The following JMJD1C variants were observed in gnomAD, a reference collection of about 807,000 sequenced individuals.
The protein encoded by JMJD1C is jumonji domain-containing protein 1C.
In JMJD1C, 31 loss-of-function variants were observed where a neutral mutation model predicts 245.3. That is an observed-to-expected ratio of 0.13 (90% CI 0.09 to 0.17). The LOEUF is 0.17. JMJD1C is among the 10% of genes least tolerant of loss of function. JMJD1C has a pLI of 1.00. For missense variants in JMJD1C, 2,691 were observed against 3,000.2 expected (o/e 0.90, Z 2.41); for synonymous variants, 1,057 against 1,017.4 (o/e 1.04, Z -0.74).
chr10:63,248,324 A>G (rs941308855), intron 3 of JMJD1C, among the ~76,000 whole-genome samples: 1 of 150,026 alleles, frequency 6.7e-6, no homozygotes, highest in Non-Finnish European at 1.5e-5. Flanking sequence ...ACCCCAAAGA[A>G]AAAGCAACCA....
chr10:63,174,250 G>C (rs781580562), intron 24 of JMJD1C, among the ~76,000 whole-genome samples: 1 of 152,144 alleles, frequency 6.6e-6, no homozygotes, highest in Non-Finnish European at 1.5e-5. Flanking sequence ...GTTTATGATA[G>C]CTTTATCTAT....
chr10:63,215,376 T>C lies in JMJD1C; in HGVS notation c.902A>G (p.His301Arg). 6.2e-7 allele frequency: 1 copy of C among 1,614,192 alleles called. No individual in the cohort carries two copies. Residue 301 changes from histidine (H) to arginine (R), a missense_variant, in exon 7 of 26, where the codon CAC (histidine) becomes CGC (arginine). His to Arg is a conservative substitution (Grantham distance 29). Around this residue, in one of 9 missense-constraint regions of JMJD1C, gnomAD observed 1,562 missense variants for 1,490.7 expected, o/e 1.05. Coordinates refer to ENST00000399262, the MANE Select transcript of JMJD1C (RefSeq NM_032776.3). ...SQAAVPKQNT[H>R]QQQQQRSIRP... Reference sequence around the variant, plus strand: ...GATACTTCTTTGTTGCTGTTGCTGGTGTGTATTCTGTTTTGGTACAGCAGC... The same window carrying C: ...GATACTTCTTTGTTGCTGTTGCTGGCGTGTATTCTGTTTTGGTACAGCAGC...
intron 2 of JMJD1C, among the ~76,000 whole-genome samples, chr10:63,365,219 C>T (rs899545973): frequency 3.9e-5 from 6 of 152,300 alleles, no homozygotes; most frequent in Middle Eastern, 3.4e-3. Flanking sequence ...CAGGCACTTC[C>T]TCTTCATTTG....
At chr10:63,497,539 G>A (rs1463617456) in intron 1 of JMJD1C, among the ~76,000 whole-genome samples, 1 of 152,160 alleles carries the variant, frequency 6.6e-6, no homozygotes, top group Non-Finnish European at 1.5e-5. Flanking sequence ...TTCTTTCAGG[G>A]CTGATGAAGA....
intron 1 of JMJD1C, among the ~76,000 whole-genome samples, chr10:63,432,291 C>T (rs1418641901): frequency 6.6e-6 from 1 of 152,194 alleles, no homozygotes; most frequent in African/African-American, 2.4e-5. Context: ...CTAACTAGCC[C>T]GGGTGTTCAC....
intron 1 of JMJD1C, among the ~76,000 whole-genome samples, chr10:63,393,172 G>C (rs1355114255): frequency 6.6e-6 from 1 of 152,176 alleles, no homozygotes; most frequent in Non-Finnish European, 1.5e-5. Flanking sequence ...GGAGACTGAG[G>C]TGGGAGAATC....
At chr10:63,377,997 A>AT (rs1946901091) in intron 2 of JMJD1C, among the ~76,000 whole-genome samples, 1 of 148,624 alleles carries the variant, frequency 6.7e-6, no homozygotes, top group Admixed American at 6.8e-5. Context: ...GTATATATAT[A>AT]ATATATATGA....
At chr10:63,380,277 G>T in intron 2 of JMJD1C, 41 bp downstream of exon 2, 2 of 1,599,402 alleles carry the variant, frequency 1.3e-6, no homozygotes, top group South Asian at 1.1e-5. Context: ...TGTTTTAAAC[G>T]AACAAATGAA....
At chr10:63,226,488 G>C (rs949646808) in intron 3 of JMJD1C, among the ~76,000 whole-genome samples, 2 of 152,038 alleles carry the variant, frequency 1.3e-5, no homozygotes, top group African/African-American at 4.8e-5. Flanking sequence ...CAAGGTGGGA[G>C]GATCCCTTGA....
chr10:63,311,385 TAAAC>T (rs1241359678), intron 2 of JMJD1C, among the ~76,000 whole-genome samples: 2 of 151,536 alleles, frequency 1.3e-5, no homozygotes, highest in African/African-American at 4.8e-5. Context: ...TCTCAAAAAA[TAAAC>T]AAACAAAATA....
chr10:63,263,959 T>TACACACACACACACACAC (rs746833882), intron 3 of JMJD1C, among the ~76,000 whole-genome samples: 1 of 83,018 alleles, frequency 1.2e-5, no homozygotes, highest in Admixed American at 1.4e-4. Flanking sequence ...AAAATACACA[T>TACACACACACACACACAC]ACACACACAC....
intron 1 of JMJD1C, among the ~76,000 whole-genome samples, chr10:63,519,973 G>A (rs1228732076): frequency 1.3e-5 from 2 of 152,128 alleles, no homozygotes; most frequent in African/African-American, 4.8e-5. Context: ...AAATAATGCT[G>A]AATAATGGCC....
chr10:63,462,570 T>C (rs946861558), intron 1 of JMJD1C, among the ~76,000 whole-genome samples: 2 of 152,172 alleles, frequency 1.3e-5, no homozygotes, highest in African/African-American at 4.8e-5. Flanking sequence ...ATTATGTCAA[T>C]TGGCCCAAAG....
At chr10:63,281,494 G>A (rs574034272) in intron 2 of JMJD1C, among the ~76,000 whole-genome samples, 11 of 101,554 alleles carry the variant, frequency 1.1e-4, no homozygotes, top group East Asian at 9.1e-4. Context: ...TTTTTGAGAC[G>A]GAGTCTCACT....
chr10:63,391,996 T>C (rs1313429722), intron 1 of JMJD1C, among the ~76,000 whole-genome samples: 1 of 152,184 alleles, frequency 6.6e-6, no homozygotes, highest in Non-Finnish European at 1.5e-5. Flanking sequence ...TTGCTAACAG[T>C]GTAACATGTA....
At chr10:63,482,978 G>A (rs1223084239) in intron 1 of JMJD1C, among the ~76,000 whole-genome samples, 1 of 152,086 alleles carries the variant, frequency 6.6e-6, no homozygotes, top group Admixed American at 6.6e-5. Flanking sequence ...ACTATGTATG[G>A]TTAATCTAAT....
chr10:63,378,064 T>C (rs1946908425), intron 2 of JMJD1C, among the ~76,000 whole-genome samples: 1 of 151,370 alleles, frequency 6.6e-6, no homozygotes, highest in South Asian at 2.1e-4. Context: ...CATACCACAG[T>C]GTTTTCCAAA....
At chr10:63,251,968 G>T (rs569194525) in intron 3 of JMJD1C, among the ~76,000 whole-genome samples, 3 of 152,274 alleles carry the variant, frequency 2.0e-5, no homozygotes, top group South Asian at 2.1e-4. Context: ...AGACAAGATC[G>T]TGCCACTGCA....
At chr10:63,429,200 A>C (rs1950610496) in intron 1 of JMJD1C, among the ~76,000 whole-genome samples, 1 of 152,114 alleles carries the variant, frequency 6.6e-6, no homozygotes, top group African/African-American at 2.4e-5. Flanking sequence ...GCTGGTCTCA[A>C]ACTCCTGACC....
Sources: gnomAD v4.1 joint callset for allele counts (sites outside exome capture counted in the v4.1 genomes callset) on GRCh38, gnomAD v4.1.1 for gene constraint, gnomAD v4.1.1 regional missense constraint, MANE v1.5 for transcripts, NCBI Gene and HGNC (gene_info 2026-07-23, HGNC 2026-07-21) for gene names.